ASAP1: variants seen among roughly 807,000 people sequenced by gnomAD.
The protein encoded by ASAP1 is ArfGAP with SH3 domain, ankyrin repeat and PH domain 1.
Under a neutral mutation model 145.2 loss-of-function variants are expected in ASAP1, and 43 were observed. The observed-to-expected ratio is 0.30, with a 90% confidence interval of 0.23 to 0.38. The LOEUF (loss-of-function observed/expected upper bound fraction) is 0.38, where lower values mean the gene tolerates loss of function less well. ASAP1 is among the 10% of genes least tolerant of loss of function. The pLI, the probability that ASAP1 is intolerant of heterozygous loss-of-function variation, is 1.00. For synonymous variants in ASAP1, 546 were observed against 515.5 expected (o/e 1.06, Z -0.80); for missense variants, 1,018 against 1,355.3 (o/e 0.75, Z 3.91).
intron 2 of ASAP1, among the ~76,000 whole-genome samples, chr8:130,395,818 C>T (rs1828503870): frequency 6.6e-6 from 1 of 152,142 alleles, no homozygotes; most frequent in South Asian, 2.1e-4. Context: ...AGGCACCCGC[C>T]ACTACGCCCA....
At chr8:130,331,217 G>A (rs191106467) in intron 3 of ASAP1, among the ~76,000 whole-genome samples, 80 of 152,300 alleles carry the variant, frequency 5.3e-4, no homozygotes, top group Admixed American at 7.2e-4. Context: ...TGGAAAGAGC[G>A]AGTAGGGCCC....
At chr8:130,147,851 C>T (rs1467104310) in intron 13 of ASAP1, among the ~76,000 whole-genome samples, 1 of 152,158 alleles carries the variant, frequency 6.6e-6, no homozygotes, top group African/African-American at 2.4e-5. Flanking sequence ...TTGAGTAAAA[C>T]ACCAGACCTT....
chr8:130,221,417 G>A (rs957934482), intron 4 of ASAP1, among the ~76,000 whole-genome samples: 1 of 152,164 alleles, frequency 6.6e-6, no homozygotes, highest in African/African-American at 2.4e-5. Context: ...CACAAGAGAT[G>A]AAATGTCAGT....
chr8:130,255,847 A>T (rs930262939), intron 3 of ASAP1, among the ~76,000 whole-genome samples: 1 of 152,180 alleles, frequency 6.6e-6, no homozygotes, highest in East Asian at 1.9e-4. Context: ...TCCTCTTGCA[A>T]ATTACATGTG....
intron 3 of ASAP1, among the ~76,000 whole-genome samples, chr8:130,342,238 A>C (rs968785925): frequency 3.6e-4 from 55 of 152,188 alleles, no homozygotes; most frequent in South Asian, 1.2e-3. Context: ...GTAAGACCAC[A>C]GACCTCAGAG....
chr8:130,255,851 A>G (rs1387763477), intron 3 of ASAP1, among the ~76,000 whole-genome samples: 1 of 152,204 alleles, frequency 6.6e-6, no homozygotes, highest in Non-Finnish European at 1.5e-5. Flanking sequence ...CTTGCAAATT[A>G]CATGTGAGTG....
intron 3 of ASAP1, among the ~76,000 whole-genome samples, chr8:130,322,073 C>T (rs532002488): frequency 2.0e-5 from 3 of 152,172 alleles, no homozygotes; most frequent in Admixed American, 6.5e-5. Context: ...TGTGCTGCCA[C>T]GGTTCTTCAT....
At chr8:130,164,884 C>T (rs908670143) in intron 11 of ASAP1, among the ~76,000 whole-genome samples, 2 of 152,268 alleles carry the variant, frequency 1.3e-5, no homozygotes, top group African/African-American at 4.8e-5. Flanking sequence ...GATTACTTGA[C>T]ATTCTTTTCA....
chr8:130,093,993 T>C (rs76446802), intron 24 of ASAP1, among the ~76,000 whole-genome samples: 1 of 152,122 alleles, frequency 6.6e-6, no homozygotes, highest in East Asian at 1.9e-4. Context: ...ATAATTTACA[T>C]CTTTGTCCCA....
chr8:130,364,511 G>T (rs569924725), intron 2 of ASAP1, among the ~76,000 whole-genome samples: 1 of 152,334 alleles, frequency 6.6e-6, no homozygotes, highest in East Asian at 1.9e-4. Context: ...CATAGCCCAT[G>T]TGATCAGCCA....
At chr8:130,197,295 T>C (rs1586573574) in intron 5 of ASAP1, among the ~76,000 whole-genome samples, 1 of 152,220 alleles carries the variant, frequency 6.6e-6, no homozygotes, top group East Asian at 1.9e-4. Flanking sequence ...CTGGGCTTGG[T>C]AGTGCATGCC....
chr8:130,293,748 T>C (rs895345459), intron 3 of ASAP1, among the ~76,000 whole-genome samples: 1 of 152,220 alleles, frequency 6.6e-6, no homozygotes, highest in Non-Finnish European at 1.5e-5. Context: ...GCTACAAATG[T>C]TTCTTGTGTG....
intron 13 of ASAP1, among the ~76,000 whole-genome samples, chr8:130,151,370 CAAAAAAAAAAAAAAAAAAAAAAAAAAAAA>C: frequency 1.6e-5 from 1 of 62,856 alleles, no homozygotes; most frequent in African/African-American, 5.5e-5. Context: ...GACTCAGTCT[CAAAAAAAAAAAAAAAAAAAAAAAAAAAAA>C]AAAAAAAAAA....
chr8:130,405,136 G>A (rs923827064), intron 1 of ASAP1, among the ~76,000 whole-genome samples: 7 of 151,900 alleles, frequency 4.6e-5, no homozygotes, highest in African/African-American at 9.7e-5. Context: ...TATGAACACC[G>A]AGTATCAATA....
At chr8:130,283,176 T>C (rs777147541) in intron 3 of ASAP1, among the ~76,000 whole-genome samples, 3 of 152,126 alleles carry the variant, frequency 2.0e-5, no homozygotes, top group Non-Finnish European at 4.4e-5. Context: ...AGGAAAAATA[T>C]ATCCACACCA....
At chr8:130,323,792 T>C (rs1824160525) in intron 3 of ASAP1, among the ~76,000 whole-genome samples, 1 of 152,150 alleles carries the variant, frequency 6.6e-6, no homozygotes, top group South Asian at 2.1e-4. Context: ...TGATAAACAA[T>C]AAGCATCTCC....
At chr8:130,196,099 T>C (rs1258008433) in intron 5 of ASAP1, among the ~76,000 whole-genome samples, 1 of 152,204 alleles carries the variant, frequency 6.6e-6, no homozygotes, top group East Asian at 1.9e-4. Context: ...CCGAGCACGC[T>C]GGAAGGCCGA....
intron 17 of ASAP1, among the ~76,000 whole-genome samples, chr8:130,124,801 T>C (rs992759961): frequency 6.6e-5 from 10 of 152,224 alleles, no homozygotes; most frequent in African/African-American, 2.2e-4. Flanking sequence ...GACTTTCCTC[T>C]TTCTTGTTGT....
chr8:130,382,342 T>C (rs1050563409), intron 2 of ASAP1, among the ~76,000 whole-genome samples: 3 of 151,678 alleles, frequency 2.0e-5, no homozygotes, highest in Non-Finnish European at 4.4e-5. Flanking sequence ...TCATTAATAT[T>C]ATTTATTGAT....
Sources: allele counts gnomAD v4.1 joint callset (sites outside exome capture counted in the v4.1 genomes callset), GRCh38; gene constraint gnomAD v4.1.1; transcripts MANE v1.5; gene names NCBI Gene and HGNC (gene_info 2026-07-23, HGNC 2026-07-21).